The following VAC14 variants were observed in gnomAD, a reference collection of about 807,000 sequenced individuals.
The protein encoded by VAC14 is protein VAC14 homolog.
In VAC14, 47 loss-of-function variants were observed where a neutral mutation model predicts 85.3. That is an observed-to-expected ratio of 0.55 (90% CI 0.44 to 0.70). The LOEUF (loss-of-function observed/expected upper bound fraction) is 0.70. Ranked by LOEUF, VAC14 falls within the 30% of genes least tolerant of loss-of-function variation. The pLI, the probability that VAC14 is intolerant of heterozygous loss-of-function variation, is 0.00. For synonymous variants in VAC14, 447 were observed against 430.5 expected (o/e 1.04, Z -0.47); for missense variants, 861 against 1,004.3 (o/e 0.86, Z 1.93).
intron 18 of VAC14, chr16:70,688,340 G>C: frequency 1.7e-6 from 2 of 1,162,638 alleles, no homozygotes; most frequent in Non-Finnish European, 1.1e-6. Context: ...CTGTGGGCTG[G>C]CGATGGCGCC....
At chr16:70,744,312 G>GCAGAGCTC in intron 13 of VAC14, 111 bp downstream of exon 13, 8 of 1,440,086 alleles carry the variant, frequency 5.6e-6, no homozygotes, top group Non-Finnish European at 7.5e-6. Context: ...TCACACCCTG[G>GCAGAGCTC]CAGAGCTCCA....
chr16:70,785,262 G>A (rs539981421), intron 3 of VAC14, among the ~76,000 whole-genome samples: 3 of 152,320 alleles, frequency 2.0e-5, no homozygotes, highest in Non-Finnish European at 2.9e-5. Flanking sequence ...AGCATTGCAG[G>A]GCTGCTCCGC....
intron 18 of VAC14, chr16:70,689,216 G>A: frequency 1.0e-6 from 1 of 983,910 alleles, no homozygotes. Context: ...CGGCCCTGGG[G>A]TGGCTGCCAA....
intron 13 of VAC14, among the ~76,000 whole-genome samples, chr16:70,732,779 T>C (rs2054630154): frequency 6.6e-6 from 1 of 152,072 alleles, no homozygotes; most frequent in African/African-American, 2.4e-5. Context: ...AGTGCTGAGA[T>C]TACAGGCATG....
chr16:70,774,988 G>A (rs2033448607), intron 9 of VAC14, among the ~76,000 whole-genome samples: 1 of 152,076 alleles, frequency 6.6e-6, no homozygotes, highest in East Asian at 1.9e-4. Flanking sequence ...CTGACCTCAA[G>A]TGATTGATCC....
intron 12 of VAC14, among the ~76,000 whole-genome samples, chr16:70,748,140 G>A (rs1438433990): frequency 1.3e-5 from 2 of 151,108 alleles, no homozygotes; most frequent in African/African-American, 2.5e-5. Flanking sequence ...CCCCAAACCT[G>A]AGCCTGCTGA....
At position 70,704,779 on chromosome 16, in the gene VAC14, T is replaced by C. The variant is rs576017384; in HGVS notation, c.1662-5968A>G. On this transcript the variant is annotated intron_variant, in intron 14 of 18. Transcript: ENST00000261776. Reference sequence around the variant, plus strand: ...GAATGGCTCCTTCGCCAGGTGTCTGTAGGAGCAGAGCCCCGTGCTGCAGGT... The same window carrying C: ...GAATGGCTCCTTCGCCAGGTGTCTGCAGGAGCAGAGCCCCGTGCTGCAGGT... 5.6e-4 allele frequency among the ~76,000 whole-genome samples: 86 copies of C among 152,324 alleles called. 2 individuals carry two copies. The highest frequency in any genetic ancestry group is 1.9e-3 in the African/African-American group (80 of 41,590).
At chr16:70,697,295 G>A (rs1331553941) in intron 15 of VAC14, 38 bp from the exon 16 acceptor site, 1 of 1,566,404 alleles carries the variant, frequency 6.4e-7, no homozygotes, top group Middle Eastern at 1.8e-4. Context: ...GGACACGCCT[G>A]CTCCTTGCCC....
Position 70,698,818 on chromosome 16 carries a change from A to G in VAC14, c.1662-7T>C, listed in dbSNP as rs1406104337. On this transcript the variant is annotated splice_region_variant and splice_polypyrimidine_tract_variant and intron_variant, in intron 14 of 18. Coordinates refer to ENST00000261776, the MANE Select transcript of VAC14 (RefSeq NM_018052.5). ...CAGCAGGAGGCACAGCTGCCTGGAGAGCAGGCAGACTGGGGTCAGGGCGCA... is the reference window on the plus strand; with the variant it reads ...CAGCAGGAGGCACAGCTGCCTGGAGGGCAGGCAGACTGGGGTCAGGGCGCA... 1.2e-6 allele frequency: 2 copies of G among 1,613,326 alleles called. No homozygotes were observed. Among genetic ancestry groups the G allele is most frequent in the African/African-American group, 1.3e-5 (1 of 74,920 alleles).
Position 70,801,067 on chromosome 16 carries a change from GAC to G in VAC14, c.-169_-168del. 1 of 485,640 alleles carries G rather than the reference GAC, an allele frequency of 2.1e-6. No individual in the cohort carries two copies. The highest frequency in any genetic ancestry group is 3.6e-6 in the Non-Finnish European group (1 of 280,568). 30.1% of individuals were successfully genotyped at this position (485,640 alleles called of 1,614,324 possible). On this transcript the variant is annotated 5_prime_UTR_variant, in exon 1 of 19. Coordinates refer to ENST00000261776, the MANE Select transcript of VAC14 (RefSeq NM_018052.5). ...CGCCTCGCCCTGGAACCCGGGCCCG[GAC>G]CCCGCTCCAGCACACCTGACCCTGG...
chr16:70,729,175 C>T (rs568917007), intron 14 of VAC14, among the ~76,000 whole-genome samples: 20 of 152,326 alleles, frequency 1.3e-4, no homozygotes, highest in African/African-American at 4.8e-4. Flanking sequence ...GGGCAGAGGC[C>T]TGGGATGCTG....
intron 13 of VAC14, among the ~76,000 whole-genome samples, chr16:70,733,501 G>C (rs1433391781): frequency 6.6e-6 from 1 of 151,954 alleles, no homozygotes; most frequent in East Asian, 1.9e-4. Context: ...GCTAGTGTTG[G>C]AAGTGGGGCC....
intron 1 of VAC14, among the ~76,000 whole-genome samples, chr16:70,795,034 G>A (rs753705234): frequency 6.6e-6 from 1 of 152,244 alleles, no homozygotes; most frequent in East Asian, 1.9e-4. Flanking sequence ...GCAGTCACAT[G>A]CTGTGCAGGT....
In VAC14 at chr16:70,795,494, TAAAAAAAAAAAAA is replaced by T. The variant is rs71153603; in HGVS notation, c.104+5290_104+5302del. On this transcript the variant is annotated intron_variant, in intron 1 of 18. Transcript: ENST00000261776. ...CTGGGCGACAGAGCGAGACTCTGTC[TAAAAAAAAAAAAA>T]AAAAAAAAAGAATGCATCCCTCTGA... Among the ~76,000 whole-genome samples, 813 of 91,940 alleles carry T rather than the reference TAAAAAAAAAAAAA, an allele frequency of 8.8e-3. 2 individuals are homozygous for T. The highest frequency in any genetic ancestry group is 0.014 in the Non-Finnish European group (662 of 47,040). The allele number at this position is 91,940 out of a possible 152,430, so 60.3% of individuals were successfully genotyped here.
In VAC14 at chr16:70,785,786, G is replaced by A; in HGVS notation, c.339C>T (p.Ala113=). 6.3e-7 allele frequency: 1 copy of A among 1,593,606 alleles called. No homozygotes were observed. The highest frequency in any genetic ancestry group is 8.6e-7 in the Non-Finnish European group (1 of 1,168,610). ...TGACGATGTTGTAGAGGGCCTCGCA[G>A]GCATAGTAGCGCAGCCTGCTGTCTG... ...NDADSRLRYY[A]CEALYNIVKV... Residue 113 remains alanine (A), a synonymous_variant, in exon 3 of 19, where the codon GCC becomes GCT. Transcript: ENST00000261776.
intron 12 of VAC14, among the ~76,000 whole-genome samples, chr16:70,757,754 A>T (rs1186354210): frequency 6.6e-6 from 1 of 152,228 alleles, no homozygotes; most frequent in Non-Finnish European, 1.5e-5. Flanking sequence ...GACCTCCTGC[A>T]TCGGAGGAGC....
At chr16:70,794,417 G>C (rs946380876) in intron 1 of VAC14, among the ~76,000 whole-genome samples, 2 of 152,092 alleles carry the variant, frequency 1.3e-5, no homozygotes, top group Admixed American at 6.5e-5. Context: ...CTTTCACTTA[G>C]CATAATGTTT....
chr16:70,698,878 A>G, intron 14 of VAC14, 67 bp from the exon 15 acceptor site: 2 of 1,497,298 alleles, frequency 1.3e-6, no homozygotes, highest in South Asian at 1.2e-5. Flanking sequence ...TCAGCCTGGG[A>G]GGCCTCCTCT....
chr16:70,689,091 G>A, intron 18 of VAC14: 2 of 985,204 alleles, frequency 2.0e-6, no homozygotes, highest in Non-Finnish European at 2.4e-6. Context: ...GCAGGCACTG[G>A]CAGAGCACAG....
Sources: allele counts gnomAD v4.1 joint callset (sites outside exome capture counted in the v4.1 genomes callset), GRCh38; gene constraint gnomAD v4.1.1; transcripts MANE v1.5; gene names NCBI Gene and HGNC (gene_info 2026-07-23, HGNC 2026-07-21).